The following EPB41L2 variants were observed in gnomAD, a reference collection of about 807,000 sequenced individuals.
EPB41L2 encodes the protein erythrocyte membrane protein band 4.1 like 2, also known as band 4.1-like protein 2.
EPB41L2 carries 43 observed loss-of-function variants against 113.0 expected under a neutral mutation model. That is an observed-to-expected ratio of 0.38 (90% CI 0.30 to 0.49). The LOEUF (loss-of-function observed/expected upper bound fraction) is 0.49. EPB41L2 is among the 20% of genes least tolerant of loss of function. The pLI is 0.95. For missense variants in EPB41L2, 1,147 were observed against 1,223.4 expected (o/e 0.94, Z 0.93); for synonymous variants, 442 against 436.7 (o/e 1.01, Z -0.15).
chr6:130,865,243 T>G (rs1477857424), intron 17 of EPB41L2, among the ~76,000 whole-genome samples: 1 of 152,204 alleles, frequency 6.6e-6, no homozygotes, highest in African/African-American at 2.4e-5. Context: ...GAAGCACAAG[T>G]TTGTTTTTAT....
intron 19 of EPB41L2, among the ~76,000 whole-genome samples, chr6:130,842,310 T>C (rs1775766082): frequency 6.6e-6 from 1 of 151,760 alleles, no homozygotes; most frequent in African/African-American, 2.4e-5. Flanking sequence ...AAAAAATCAA[T>C]GGAGAAAATA....
chr6:130,871,214 CT>C (rs1472293240), intron 14 of EPB41L2, among the ~76,000 whole-genome samples: 2 of 152,066 alleles, frequency 1.3e-5, no homozygotes, highest in Non-Finnish European at 2.9e-5. Flanking sequence ...GGGTGGAAAC[CT>C]TTTTGTACAG....
chr6:130,955,331 A>C lies in EPB41L2; in HGVS notation c.493-14T>G, dbSNP rs564066301. On this transcript the variant is annotated splice_polypyrimidine_tract_variant and intron_variant, in intron 2 of 19. Transcript: ENST00000337057. ...TAATTCAGTAGGCTGTTGAGGAAAAAAAAATAAATTCATACTATAGTCAAC... is the reference window on the plus strand; with the variant it reads ...TAATTCAGTAGGCTGTTGAGGAAAACAAAATAAATTCATACTATAGTCAAC... 15 of 1,612,024 alleles carry C rather than the reference A, an allele frequency of 9.3e-6. No homozygotes were observed. Among genetic ancestry groups the C allele is most frequent in the Admixed American group, 5.0e-5 (3 of 59,918 alleles).
At position 131,031,607 on chromosome 6, in the gene EPB41L2, A is replaced by G. The variant is rs184484689; in HGVS notation, c.-15+31548T>C. Among the ~76,000 whole-genome samples, 337 of 152,290 alleles carry G rather than the reference A, an allele frequency of 2.2e-3. 2 individuals carry two copies. Among genetic ancestry groups the G allele is most frequent in the Middle Eastern group, 3.4e-3 (1 of 292 alleles). On this transcript the variant is annotated intron_variant, in intron 1 of 19. Transcript: ENST00000337057. Reference sequence around the variant, plus strand: ...TCTTCTGTCATATGAATTGCCACACAAAAAAGAAAATAACTTATAAGCACA... The same window carrying G: ...TCTTCTGTCATATGAATTGCCACACGAAAAAGAAAATAACTTATAAGCACA...
At chr6:130,971,508 C>T (rs1404532550) in intron 1 of EPB41L2, among the ~76,000 whole-genome samples, 1 of 152,186 alleles carries the variant, frequency 6.6e-6, no homozygotes, top group Non-Finnish European at 1.5e-5. Flanking sequence ...TGTGATATCA[C>T]GATAGTCAGT....
At chr6:130,955,795 G>C (rs553666670) in intron 2 of EPB41L2, among the ~76,000 whole-genome samples, 199 bp downstream of exon 2, 2 of 149,744 alleles carry the variant, frequency 1.3e-5, no homozygotes, top group East Asian at 4.1e-4. Flanking sequence ...TTAGTAATTG[G>C]TATATATAGG....
chr6:130,894,789 T>A (rs865843350), intron 9 of EPB41L2, among the ~76,000 whole-genome samples, 178 bp downstream of exon 9: 15 of 152,188 alleles, frequency 9.9e-5, no homozygotes, highest in African/African-American at 2.7e-4. Context: ...TTGCTTTTTT[T>A]AAAAACAGAC....
chr6:131,018,840 C>T (rs900855465), intron 1 of EPB41L2, among the ~76,000 whole-genome samples: 7 of 152,234 alleles, frequency 4.6e-5, no homozygotes, highest in Middle Eastern at 3.4e-3. Flanking sequence ...TAACAAGCTT[C>T]GTTATATTCG....
At chr6:130,863,823 T>C (rs1782890734) in intron 17 of EPB41L2, 105 bp from the exon 18 acceptor site, 4 of 691,048 alleles carry the variant, frequency 5.8e-6, no homozygotes, top group Middle Eastern at 4.9e-4. Flanking sequence ...TGGATCATTG[T>C]AAGGCCACAC....
At chr6:131,059,203 C>T (rs1449327158) in intron 1 of EPB41L2, among the ~76,000 whole-genome samples, 2 of 150,726 alleles carry the variant, frequency 1.3e-5, no homozygotes, top group African/African-American at 4.9e-5. Context: ...CAAGCTCTGC[C>T]TCCCGGGTTC....
At chr6:131,036,444 TA>T (rs1434403407) in intron 1 of EPB41L2, among the ~76,000 whole-genome samples, 1 of 151,790 alleles carries the variant, frequency 6.6e-6, no homozygotes. Flanking sequence ...ACGGATGTAA[TA>T]AAAAAACAGC....
chr6:131,053,627 C>G (rs1797063138), intron 1 of EPB41L2, among the ~76,000 whole-genome samples: 1 of 152,084 alleles, frequency 6.6e-6, no homozygotes, highest in African/African-American at 2.4e-5. Flanking sequence ...CATATTGTTA[C>G]TAACAGGCTT....
At chr6:131,054,882 CT>C (rs1797313323) in intron 1 of EPB41L2, among the ~76,000 whole-genome samples, 1 of 152,292 alleles carries the variant, frequency 6.6e-6, no homozygotes, top group African/African-American at 2.4e-5. Flanking sequence ...GATTGGTCAG[CT>C]GCTTAATTGA....
intron 1 of EPB41L2, among the ~76,000 whole-genome samples, chr6:131,055,516 G>A (rs1365655019): frequency 6.6e-6 from 1 of 152,084 alleles, no homozygotes; most frequent in Non-Finnish European, 1.5e-5. Context: ...CTACATGGGC[G>A]AACCCAGTCA....
chr6:130,904,390 C>T, intron 6 of EPB41L2, 75 bp downstream of exon 6: 4 of 1,006,352 alleles, frequency 4.0e-6, no homozygotes, highest in Non-Finnish European at 5.9e-6. Flanking sequence ...CTGAAATTAC[C>T]ACTATGCTCC....
intron 3 of EPB41L2, among the ~76,000 whole-genome samples, chr6:130,929,072 GCA>G (rs1319182775): frequency 6.6e-6 from 1 of 152,118 alleles, no homozygotes; most frequent in Non-Finnish European, 1.5e-5. Context: ...GATCCTGATT[GCA>G]CATACACATT....
At chr6:130,960,744 T>C (rs1417920097) in intron 1 of EPB41L2, among the ~76,000 whole-genome samples, 2 of 152,206 alleles carry the variant, frequency 1.3e-5, no homozygotes, top group African/African-American at 2.4e-5. Flanking sequence ...GAAAACATGA[T>C]TACAGTACAT....
At chr6:130,872,391 G>A in intron 14 of EPB41L2, 1 of 1,288,918 alleles carries the variant, frequency 7.8e-7, no homozygotes, top group Non-Finnish European at 1.0e-6. Flanking sequence ...TGTGAGAAGG[G>A]CGAGGAAGAA....
intron 3 of EPB41L2, among the ~76,000 whole-genome samples, chr6:130,952,123 C>T (rs1042779145): frequency 1.3e-5 from 2 of 152,008 alleles, no homozygotes; most frequent in Non-Finnish European, 2.9e-5. Context: ...TTTGATTGGT[C>T]CAAATTAATA....
Sources: allele counts gnomAD v4.1 joint callset (sites outside exome capture counted in the v4.1 genomes callset), GRCh38; gene constraint gnomAD v4.1.1; transcripts MANE v1.5; gene names NCBI Gene and HGNC (gene_info 2026-07-23, HGNC 2026-07-21).